The following SOCS7 variants were observed in gnomAD, a reference collection of about 807,000 sequenced individuals.
SOCS7 encodes the protein suppressor of cytokine signaling 7, also known as NAP-4.
SOCS7 carries 18 observed loss-of-function variants against 58.9 expected under a neutral mutation model. That is an observed-to-expected ratio of 0.31 (90% confidence interval 0.21 to 0.45). SOCS7 has a LOEUF of 0.45. SOCS7 is among the 20% of genes least tolerant of loss of function. SOCS7 has a pLI of 1.00. For missense variants in SOCS7, 667 were observed against 837.3 expected (o/e 0.80, Z 2.51); for synonymous variants, 388 against 364.3 (o/e 1.06, Z -0.74).
chr17:38,395,501 A>G, intron 8 of SOCS7, 57 bp downstream of exon 8: 1 of 1,566,650 alleles, frequency 6.4e-7, no homozygotes. Context: ...GTGGGGAGGT[A>G]ACAATGTCAG....
rs1195334004 is a variant in SOCS7, at chr17:38,371,965, C to T, written c.1552+3915C>T. Among the ~76,000 whole-genome samples, 3 of 151,764 alleles carry T rather than the reference C, an allele frequency of 2.0e-5. No homozygotes were observed. The East Asian group carries it at 5.8e-4, about 29-fold the overall frequency. On this transcript the variant is annotated intron_variant, in intron 6 of 9. Coordinates refer to ENST00000612932, the MANE Select transcript of SOCS7 (RefSeq NM_014598.4). ...GAAAGACTTAGATTTCTATTTTTTG[C>T]ACTCAACACGCACTTGAATGAATGA...
rs1230755302 is a variant in SOCS7, at chr17:38,352,405, C to T, written c.353C>T (p.Ala118Val). 1 of 1,439,490 alleles carries T rather than the reference C, an allele frequency of 6.9e-7. No individual in the cohort carries two copies. Among genetic ancestry groups the T allele is most frequent in the Non-Finnish European group, 9.0e-7 (1 of 1,105,168 alleles). 89.2% of individuals were successfully genotyped at this position (1,439,490 alleles called of 1,614,324 possible). A position where few individuals can be genotyped will look rare whatever the true frequency, so the allele number is the denominator to read the frequency against. Residue 118 changes from alanine to valine, a missense_variant, in exon 1 of 10, where the codon GCT becomes GTT. Coordinates refer to ENST00000612932, the MANE Select transcript of SOCS7 (RefSeq NM_014598.4). This position sits in a 1 kb window ranked among gnomAD's most constrained non-coding sequence, Gnocchi z 5.5. ...LALERTWGPA[A>V]GLEAQLAALG... ...CTCGAGCGGACCTGGGGCCCGGCGGCTGGACTAGAGGCGCAGTTGGCGGCT... is the reference window on the plus strand; with the variant it reads ...CTCGAGCGGACCTGGGGCCCGGCGGTTGGACTAGAGGCGCAGTTGGCGGCT...
chr17:38,361,559 C>T, intron 1 of SOCS7, 152 bp from the exon 2 acceptor site: 2 of 690,574 alleles, frequency 2.9e-6, no homozygotes, highest in South Asian at 1.6e-5. Flanking sequence ...TCATTCTCCC[C>T]CTTTATTTTA....
In SOCS7 at chr17:38,400,723, C is replaced by T. The variant is rs1440214669; in HGVS notation, c.*1241C>T. 1 of 152,192 alleles carries T rather than the reference C, an allele frequency of 6.6e-6. No individual in the cohort carries two copies. Among genetic ancestry groups the T allele is most frequent in the Non-Finnish European group, 1.5e-5 (1 of 68,034 alleles). The allele number at this position is 152,192 out of a possible 1,614,324, so 9.4% of individuals were successfully genotyped here. ...CATTTCCGGATCAGATCCTGCTGGTCTCCACTCACTGGAAAGTCTGCCAGA... is the reference window on the plus strand; with the variant it reads ...CATTTCCGGATCAGATCCTGCTGGTTTCCACTCACTGGAAAGTCTGCCAGA... On this transcript the variant is annotated 3_prime_UTR_variant, in exon 10 of 10. Coordinates refer to ENST00000612932, the MANE Select transcript of SOCS7 (RefSeq NM_014598.4).
chr17:38,387,029 G>C (rs894019542), intron 7 of SOCS7, among the ~76,000 whole-genome samples: 3 of 139,442 alleles, frequency 2.2e-5, no homozygotes, highest in Admixed American at 7.5e-5. Flanking sequence ...AGCTTGCAGT[G>C]AGCTATCGCG....
At chr17:38,375,555 G>A (rs2144355846) in intron 6 of SOCS7, among the ~76,000 whole-genome samples, 1 of 152,216 alleles carries the variant, frequency 6.6e-6, no homozygotes, top group South Asian at 2.1e-4. Context: ...CAAAATATAT[G>A]TTAACCGACT....
intron 2 of SOCS7, among the ~76,000 whole-genome samples, chr17:38,362,608 A>T (rs1022863636): frequency 2.6e-5 from 4 of 152,232 alleles, no homozygotes; most frequent in African/African-American, 9.6e-5. Flanking sequence ...TTGGGAATGG[A>T]TGCTTCCAGG....
intron 6 of SOCS7, chr17:38,375,698 T>C (rs2037921751): frequency 6.6e-6 from 1 of 152,100 alleles, no homozygotes; most frequent in South Asian, 2.1e-4. Flanking sequence ...TGGGATAGGG[T>C]TCATGCTCCC....
In SOCS7 at chr17:38,402,465, GGCTCAC is replaced by G. The variant is rs1281681196; in HGVS notation, c.*2986_*2991del. The G allele has an allele frequency of 6.6e-6, 1 of 152,542 alleles. No individual in the cohort carries two copies. Among genetic ancestry groups the G allele is most frequent in the Non-Finnish European group, 1.5e-5 (1 of 68,322 alleles). 9.4% of individuals were successfully genotyped at this position (152,542 alleles called of 1,614,324 possible). On this transcript the variant is annotated 3_prime_UTR_variant, in exon 10 of 10. Coordinates refer to ENST00000612932, the MANE Select transcript of SOCS7 (RefSeq NM_014598.4). Reference sequence around the variant, plus strand: ...ATTCCTTTCTAGGTCTGGGCGCGGTGGCTCACGCCTGTAATCCCAGCACTTTGGGAG... The same window carrying G: ...ATTCCTTTCTAGGTCTGGGCGCGGTGGCCTGTAATCCCAGCACTTTGGGAG...
At chr17:38,381,227 G>A (rs375197461) in intron 7 of SOCS7, among the ~76,000 whole-genome samples, 46 of 152,140 alleles carry the variant, frequency 3.0e-4, no homozygotes, top group African/African-American at 1.0e-3. Flanking sequence ...ATTGCCCCTC[G>A]ACCCTAAGTG....
At chr17:38,361,060 G>T (rs1317344739) in intron 1 of SOCS7, among the ~76,000 whole-genome samples, 1 of 152,228 alleles carries the variant, frequency 6.6e-6, no homozygotes, top group Non-Finnish European at 1.5e-5. Flanking sequence ...ACAGCATCAA[G>T]AAGTCATGGG....
chr17:38,365,477 G>A, intron 4 of SOCS7, 68 bp downstream of exon 4: 4 of 992,132 alleles, frequency 4.0e-6, no homozygotes, highest in Non-Finnish European at 5.9e-6. Context: ...TACCATAGAA[G>A]GATGGGAGAA....
chr17:38,388,794 A>G lies in SOCS7; in HGVS notation c.1682-6515A>G, dbSNP rs148409710. ...TCTTTTACTTAGCATAATGTTTTCA[A>G]AGTTCACCAGTGTTGTAGCATCTGT... is the stretch of plus-strand genomic sequence containing the variant. On this transcript the variant is annotated intron_variant, in intron 7 of 9. Transcript: ENST00000612932. 7.6e-4 allele frequency among the ~76,000 whole-genome samples: 116 copies of G among 152,322 alleles called. No homozygotes were observed. The East Asian group carries it at 0.016, about 22-fold the overall frequency.
chr17:38,365,415 CTTAGT>C lies in SOCS7; in HGVS notation c.1252+11_1252+15del, dbSNP rs745480490. 6 of 1,598,196 alleles carry C rather than the reference CTTAGT, an allele frequency of 3.8e-6. No homozygotes were observed. In the South Asian group the frequency reaches 5.6e-5, roughly 15 times the overall value. On this transcript the variant is annotated splice_region_variant and intron_variant, in intron 4 of 9. Coordinates refer to ENST00000612932, the MANE Select transcript of SOCS7 (RefSeq NM_014598.4). The stretch of plus-strand genomic sequence containing the variant: ...TCCTCCACCCCATGCCCCAGGTTAG[CTTAGT>C]TTAGAGGCAAGACTTGTAAGAGTTG...
intron 8 of SOCS7, 55 bp downstream of exon 8, chr17:38,395,499 G>C: frequency 1.3e-6 from 2 of 1,571,000 alleles, no homozygotes; most frequent in Non-Finnish European, 1.7e-6. Flanking sequence ...TTGTGGGGAG[G>C]TAACAATGTC....
intron 7 of SOCS7, among the ~76,000 whole-genome samples, chr17:38,380,044 G>A (rs2037981212): frequency 1.3e-5 from 2 of 152,270 alleles, no homozygotes; most frequent in Admixed American, 6.5e-5. Flanking sequence ...ACAAGCCCGG[G>A]AAATCTCAAA....
chr17:38,390,851 A>G (rs951855998), intron 7 of SOCS7, among the ~76,000 whole-genome samples: 1 of 151,584 alleles, frequency 6.6e-6, no homozygotes, highest in African/African-American at 2.4e-5. Flanking sequence ...ACACACAACC[A>G]TGCCCAGCTG....
intron 1 of SOCS7, among the ~76,000 whole-genome samples, chr17:38,354,160 C>G (rs1194810522): frequency 6.6e-6 from 1 of 152,146 alleles, no homozygotes; most frequent in African/African-American, 2.4e-5. Context: ...AATTAGTTAC[C>G]TTGTAGTAAC....
intron 7 of SOCS7, among the ~76,000 whole-genome samples, chr17:38,385,272 T>C (rs370744927): frequency 1.1e-3 from 165 of 152,086 alleles, no homozygotes; most frequent in African/African-American, 3.8e-3. Flanking sequence ...ATATTTAAAA[T>C]ATTGTTATGT....
Sources: gnomAD v4.1 joint callset for allele counts (sites outside exome capture counted in the v4.1 genomes callset) on GRCh38, gnomAD v4.1.1 for gene constraint, Gnocchi (gnomAD v3.1) non-coding constraint, MANE v1.5 for transcripts, NCBI Gene and HGNC (gene_info 2026-07-23, HGNC 2026-07-21) for gene names.